Variants in AGAP1 observed in about 807,000 individuals in gnomAD.
AGAP1 encodes the protein ArfGAP with GTPase domain, ankyrin repeat and PH domain 1.
AGAP1 carries 29 observed loss-of-function variants against 105.3 expected under a neutral mutation model. The ratio of observed to expected loss-of-function variants is 0.28; its 90% confidence interval spans 0.21 to 0.38. The LOEUF (loss-of-function observed/expected upper bound fraction) is 0.38. Among genes scored for constraint, AGAP1 ranks in the 10% least tolerant of loss-of-function variants. AGAP1 has a pLI of 1.00. For missense variants in AGAP1, 998 were observed against 1,165.1 expected (o/e 0.86, Z 2.09); for synonymous variants, 509 against 485.9 (o/e 1.05, Z -0.63).
intron 1 of AGAP1, among the ~76,000 whole-genome samples, chr2:235,707,475 C>CGG: frequency 1.7e-5 from 1 of 57,620 alleles, no homozygotes; most frequent in African/African-American, 8.1e-5. Context: ...CCCCATGACC[C>CGG]CCCCCCCCCC....
At chr2:235,952,415 T>C (rs907500553) in intron 12 of AGAP1, among the ~76,000 whole-genome samples, 1 of 152,238 alleles carries the variant, frequency 6.6e-6, no homozygotes, top group African/African-American at 2.4e-5. Context: ...TTTTTTCCTG[T>C]ATTTTTATCA....
At chr2:235,646,833 A>G (rs1423424545) in intron 1 of AGAP1, among the ~76,000 whole-genome samples, 1 of 152,206 alleles carries the variant, frequency 6.6e-6, no homozygotes, top group Non-Finnish European at 1.5e-5. Flanking sequence ...GCTTGTCCAT[A>G]TCACAGAAAG....
intron 3 of AGAP1, among the ~76,000 whole-genome samples, chr2:235,738,976 G>C (rs1952418858): frequency 6.6e-6 from 1 of 152,116 alleles, no homozygotes; most frequent in Non-Finnish European, 1.5e-5. Context: ...TATCACTGTT[G>C]CAGACTTTTC....
chr2:235,654,243 T>C (rs1187142741), intron 1 of AGAP1, among the ~76,000 whole-genome samples: 1 of 152,174 alleles, frequency 6.6e-6, no homozygotes, highest in African/African-American at 2.4e-5. Flanking sequence ...GTGTGCTTAG[T>C]GTAGCGTGGG....
At chr2:235,666,300 G>A (rs1463505629) in intron 1 of AGAP1, among the ~76,000 whole-genome samples, 1 of 152,008 alleles carries the variant, frequency 6.6e-6, no homozygotes, top group Non-Finnish European at 1.5e-5. Flanking sequence ...GGAAAATAAA[G>A]CATAATGCCA....
intron 1 of AGAP1, among the ~76,000 whole-genome samples, chr2:235,681,877 G>T (rs1226874114): frequency 4.4e-5 from 5 of 113,970 alleles, no homozygotes; most frequent in African/African-American, 1.3e-4. Flanking sequence ...TTGATACAGA[G>T]TCTCACTCCG....
intron 1 of AGAP1, among the ~76,000 whole-genome samples, chr2:235,688,455 C>A (rs1044612930): frequency 2.6e-5 from 4 of 152,126 alleles, no homozygotes; most frequent in Admixed American, 2.6e-4. Context: ...CATTTCCAGC[C>A]CCTCTACTTC....
At chr2:236,099,414 C>G (rs1319679505) in intron 16 of AGAP1, among the ~76,000 whole-genome samples, 1 of 151,670 alleles carries the variant, frequency 6.6e-6, no homozygotes, top group Non-Finnish European at 1.5e-5. Flanking sequence ...GAGATCACAC[C>G]ACTGCACTCC....
At chr2:235,926,097 A>G (rs969783539) in intron 11 of AGAP1, among the ~76,000 whole-genome samples, 76 of 152,248 alleles carry the variant, frequency 5.0e-4, no homozygotes, top group Admixed American at 4.6e-3. Flanking sequence ...TGATGCTTAC[A>G]TAACAAAACT....
At chr2:236,063,731 A>C (rs951843523) in intron 16 of AGAP1, among the ~76,000 whole-genome samples, 1 of 152,236 alleles carries the variant, frequency 6.6e-6, no homozygotes, top group Non-Finnish European at 1.5e-5. Flanking sequence ...GGACAAAGCA[A>C]GCCACTCCTG....
chr2:235,969,079 T>A (rs145837548), intron 13 of AGAP1, among the ~76,000 whole-genome samples: 1 of 152,218 alleles, frequency 6.6e-6, no homozygotes, highest in Non-Finnish European at 1.5e-5. Context: ...TAGCAACGTG[T>A]TATGATAAAC....
Position 235,719,233 on chromosome 2 carries a change from G to A in AGAP1, c.310+1589G>A, listed in dbSNP as rs1033814643. 6.6e-6 allele frequency among the ~76,000 whole-genome samples: 1 copy of A among 152,192 alleles called. No homozygotes were observed. The highest frequency in any genetic ancestry group is 2.4e-5 in the African/African-American group (1 of 41,424). ...TCTGGCCCTGGGGTTCAGGTGTCTGGTGGGGCAGCGCTGGAGGCCCTGGGT... is the reference window on the plus strand; with the variant it reads ...TCTGGCCCTGGGGTTCAGGTGTCTGATGGGGCAGCGCTGGAGGCCCTGGGT... On this transcript the variant is annotated intron_variant, in intron 3 of 17. Transcript: ENST00000304032. The surrounding 1 kb of genome is among the most constrained non-coding windows in gnomAD (Gnocchi z 4.9).
rs2059080467 is a variant in AGAP1, at chr2:236,092,232, T to C, written c.2115-27960T>C. On this transcript the variant is annotated intron_variant, in intron 16 of 17. Coordinates refer to ENST00000304032, the MANE Select transcript of AGAP1 (RefSeq NM_001037131.3). This position sits in a 1 kb window ranked among gnomAD's most constrained non-coding sequence, Gnocchi z 4.7. ...TGAACCAATTCCATGGACACATAAA[T>C]ACAAATGACCACAAGGAAAATCGGA... is the stretch of plus-strand genomic sequence containing the variant. 6.6e-6 allele frequency among the ~76,000 whole-genome samples: 1 copy of C among 152,152 alleles called. No individual in the cohort carries two copies.
chr2:235,498,332 A>G (rs1205125947), intron 1 of AGAP1, among the ~76,000 whole-genome samples: 1 of 150,062 alleles, frequency 6.7e-6, no homozygotes, highest in Non-Finnish European at 1.5e-5. Context: ...CCAAATCACT[A>G]GAGTTTAAGG....
chr2:236,021,400 G>T (rs993664321), intron 13 of AGAP1, among the ~76,000 whole-genome samples: 5 of 152,088 alleles, frequency 3.3e-5, no homozygotes, highest in Non-Finnish European at 7.3e-5. Flanking sequence ...GTAAGCCCGG[G>T]TCTCCTGATG....
chr2:235,537,779 G>C (rs1382899521), intron 1 of AGAP1, among the ~76,000 whole-genome samples: 8 of 152,106 alleles, frequency 5.3e-5, no homozygotes, highest in Non-Finnish European at 1.2e-4. Context: ...CTGAATGATC[G>C]GAAGGACTCA....
At chr2:235,909,893 T>C (rs556503510) in intron 11 of AGAP1, among the ~76,000 whole-genome samples, 1 of 152,122 alleles carries the variant, frequency 6.6e-6, no homozygotes, top group East Asian at 1.9e-4. Flanking sequence ...TGGTAGCAGG[T>C]GCCTGTAATC....
chr2:235,543,406 A>G (rs1943517958), intron 1 of AGAP1, among the ~76,000 whole-genome samples: 1 of 152,144 alleles, frequency 6.6e-6, no homozygotes, highest in African/African-American at 2.4e-5. Context: ...ATTCTGGCTG[A>G]TGGGCTGTGT....
In AGAP1 at chr2:235,936,466, C is replaced by T. The variant is rs187091042; in HGVS notation, c.1483+5543C>T. ...TTTCTCATTATAAAAATGTTTTGCACGTCGATTTTGATGATGGGGGTTCGA... is the reference window on the plus strand; with the variant it reads ...TTTCTCATTATAAAAATGTTTTGCATGTCGATTTTGATGATGGGGGTTCGA... On this transcript the variant is annotated intron_variant, in intron 12 of 17. Coordinates refer to ENST00000304032, the MANE Select transcript of AGAP1 (RefSeq NM_001037131.3). This position sits in a 1 kb window ranked among gnomAD's most constrained non-coding sequence, Gnocchi z 4.7. 1.5e-3 allele frequency among the ~76,000 whole-genome samples: 228 copies of T among 152,266 alleles called. No homozygotes were observed. Among genetic ancestry groups the T allele is most frequent in the Non-Finnish European group, 2.5e-3 (169 of 68,018 alleles).
Sources: gnomAD v4.1 joint callset for allele counts (sites outside exome capture counted in the v4.1 genomes callset) on GRCh38, gnomAD v4.1.1 for gene constraint, Gnocchi (gnomAD v3.1) non-coding constraint, MANE v1.5 for transcripts, NCBI Gene and HGNC (gene_info 2026-07-23, HGNC 2026-07-21) for gene names.